Variants in DAPK1 observed in about 807,000 individuals in gnomAD.
DAPK1 encodes the protein death associated protein kinase 1, also known as death-associated protein kinase 1.
DAPK1 carries 56 observed loss-of-function variants against 144.9 expected under a neutral mutation model. The ratio of observed to expected loss-of-function variants is 0.39; its 90% CI spans 0.31 to 0.48. The LOEUF (loss-of-function observed/expected upper bound fraction) is 0.48, where lower values mean the gene tolerates loss of function less well. Ranked by LOEUF, DAPK1 falls within the 20% of genes least tolerant of loss-of-function variation. The probability of loss-of-function intolerance (pLI) is 0.95; values close to 1 mark genes in which losing one functional copy is unlikely to be tolerated. For synonymous variants in DAPK1, 690 were observed against 749.0 expected, an observed-to-expected ratio of 0.92 and a Z score of 1.29; for missense variants, 1,454 against 1,875.4, an observed-to-expected ratio of 0.78 and a Z score of 4.15.
At chr9:87,614,375 ATC>A (rs1211009766) in intron 3 of DAPK1, among the ~76,000 whole-genome samples, 1 of 152,148 alleles carries the variant, frequency 6.6e-6, no homozygotes, top group African/African-American at 2.4e-5. Flanking sequence ...AATATTTGGA[ATC>A]TCTGTTTATC....
chr9:87,704,745 C>G (rs889100017), intron 25 of DAPK1, among the ~76,000 whole-genome samples: 2 of 152,166 alleles, frequency 1.3e-5, no homozygotes, highest in Non-Finnish European at 2.9e-5. Context: ...AATTTTCAAC[C>G]TAGGTTCAAT....
intron 2 of DAPK1, among the ~76,000 whole-genome samples, chr9:87,568,607 G>C (rs779002865): frequency 6.6e-6 from 1 of 152,180 alleles, no homozygotes; most frequent in Non-Finnish European, 1.5e-5. Context: ...TGTGGGTGGC[G>C]TCACCTTGCA....
chr9:87,635,576 A>G (rs1261072430), intron 3 of DAPK1, among the ~76,000 whole-genome samples: 2 of 152,052 alleles, frequency 1.3e-5, no homozygotes, highest in African/African-American at 4.8e-5. Context: ...GGGCTTTCAT[A>G]TTGGATCCTG....
intron 3 of DAPK1, among the ~76,000 whole-genome samples, chr9:87,610,089 C>G (rs1430824814): frequency 6.6e-6 from 1 of 152,180 alleles, no homozygotes. Flanking sequence ...GTGCAGTTGT[C>G]AAATCCCAGT....
chr9:87,556,094 A>G (rs536242695), intron 2 of DAPK1, among the ~76,000 whole-genome samples: 6 of 152,282 alleles, frequency 3.9e-5, no homozygotes, highest in East Asian at 1.9e-4. Flanking sequence ...GTTTTTTTGT[A>G]TTCTAATCTC....
chr9:87,608,150 C>T (rs945296181), intron 3 of DAPK1, among the ~76,000 whole-genome samples: 1 of 152,194 alleles, frequency 6.6e-6, no homozygotes, highest in African/African-American at 2.4e-5. Context: ...CCTCTTCCAA[C>T]ATTGGGAATT....
intron 3 of DAPK1, among the ~76,000 whole-genome samples, chr9:87,613,337 G>T (rs1020877915): frequency 6.6e-6 from 1 of 152,148 alleles, no homozygotes; most frequent in Non-Finnish European, 1.5e-5. Flanking sequence ...AAACTGAAAT[G>T]CTGTGCCTAT....
intron 2 of DAPK1, among the ~76,000 whole-genome samples, chr9:87,551,871 T>C (rs1319939747): frequency 6.6e-6 from 1 of 152,136 alleles, no homozygotes; most frequent in Non-Finnish European, 1.5e-5. Flanking sequence ...GGGCGGGCGC[T>C]GCTGATAGAC....
At chr9:87,518,870 C>G (rs2118212164) in intron 2 of DAPK1, among the ~76,000 whole-genome samples, 1 of 151,470 alleles carries the variant, frequency 6.6e-6, no homozygotes, top group Non-Finnish European at 1.5e-5. Context: ...TAAAATCAGC[C>G]ACCCCTTCAA....
At chr9:87,552,125 G>A (rs1008628758) in intron 2 of DAPK1, among the ~76,000 whole-genome samples, 1 of 152,052 alleles carries the variant, frequency 6.6e-6, no homozygotes, top group Non-Finnish European at 1.5e-5. Context: ...AGCCCAGGCA[G>A]GGCCCTGCCT....
chr9:87,688,057 A>G (rs371751189), intron 21 of DAPK1, among the ~76,000 whole-genome samples: 14 of 152,250 alleles, frequency 9.2e-5, no homozygotes, highest in African/African-American at 2.9e-4. Context: ...GTCATATTGC[A>G]TGATGCTGAG....
At chr9:87,505,640 C>T (rs575592558) in intron 2 of DAPK1, among the ~76,000 whole-genome samples, 151 of 151,902 alleles carry the variant, frequency 9.9e-4, no homozygotes, top group African/African-American at 3.6e-3. Flanking sequence ...CGTGAGTCAC[C>T]CTCCTCGGCC....
Position 87,619,836 on chromosome 9 carries a change from G to C in DAPK1, c.284+14661G>C, listed in dbSNP as rs138061562. Among the ~76,000 whole-genome samples the C allele has an allele frequency of 3.3e-3, 504 of 152,286 alleles. 3 individuals are homozygous for C. The highest frequency in any genetic ancestry group is 0.01 in the African/African-American group (418 of 41,564). On this transcript the variant is annotated intron_variant, in intron 3 of 25. Coordinates refer to ENST00000408954, the MANE Select transcript of DAPK1 (RefSeq NM_004938.4). ...ATGCTGCTGATTGTCGTTGTCATCT[G>C]GTAGAGTCATGCCCATCACGTAACA...
chr9:87,553,151 T>C (rs1048373181), intron 2 of DAPK1, among the ~76,000 whole-genome samples: 2 of 152,170 alleles, frequency 1.3e-5, no homozygotes, highest in African/African-American at 4.8e-5. Flanking sequence ...ATTGTTGATA[T>C]TTAAGTTCCA....
At chr9:87,617,310 C>CAGA (rs1829130292) in intron 3 of DAPK1, among the ~76,000 whole-genome samples, 1 of 152,120 alleles carries the variant, frequency 6.6e-6, no homozygotes, top group Admixed American at 6.5e-5. Flanking sequence ...GGGTGAGGGC[C>CAGA]AGAAGTCTTG....
At chr9:87,691,905 T>C (rs1338501903) in intron 21 of DAPK1, among the ~76,000 whole-genome samples, 1 of 152,124 alleles carries the variant, frequency 6.6e-6, no homozygotes, top group African/African-American at 2.4e-5. Context: ...TCCTGATATA[T>C]GTTCTATCCT....
chr9:87,670,537 C>T (rs1158809768), intron 19 of DAPK1, among the ~76,000 whole-genome samples: 1 of 152,162 alleles, frequency 6.6e-6, no homozygotes, highest in Non-Finnish European at 1.5e-5. Flanking sequence ...CATAAGCCTG[C>T]TTGGTCAGGT....
At chr9:87,664,087 C>T (rs930329031) in intron 18 of DAPK1, among the ~76,000 whole-genome samples, 2 of 152,090 alleles carry the variant, frequency 1.3e-5, no homozygotes, top group African/African-American at 4.8e-5. Context: ...ATCCCAGCCC[C>T]ACGTTTATCT....
intron 2 of DAPK1, among the ~76,000 whole-genome samples, chr9:87,502,285 G>A (rs1824433368): frequency 6.6e-6 from 1 of 152,050 alleles, no homozygotes; most frequent in African/African-American, 2.4e-5. Flanking sequence ...AGATGCACTT[G>A]TTATCTTTAG....
Sources: gnomAD v4.1 joint callset for allele counts (sites outside exome capture counted in the v4.1 genomes callset) on GRCh38, gnomAD v4.1.1 for gene constraint, MANE v1.5 for transcripts, NCBI Gene and HGNC (gene_info 2026-07-23, HGNC 2026-07-21) for gene names.